Variants in DNAAF2 observed in about 807,000 individuals in gnomAD.
DNAAF2 encodes the protein dynein axonemal assembly factor 2, also known as protein kintoun.
Under a neutral mutation model 48.8 loss-of-function variants are expected in DNAAF2, and 58 were observed. The ratio of observed to expected loss-of-function variants is 1.19; its 90% CI spans 0.96 to 1.48. The LOEUF is 1.48. DNAAF2 is among the 40% of genes most tolerant of loss of function. DNAAF2 has a pLI of 0.00. For synonymous variants in DNAAF2, 567 were observed against 481.2 expected (o/e 1.18, Z -2.33); for missense variants, 1,241 against 1,116.1 (o/e 1.11, Z -1.59).
At position 49,625,729 on chromosome 14, in the gene DNAAF2, G is replaced by A. The variant is rs748119712; in HGVS notation, c.2327C>T (p.Thr776Ile). Residue 776 changes from threonine to isoleucine, a missense_variant, in exon 3 of 3, where the codon ACT becomes ATT. By Grantham distance (89) the Thr-to-Ile change is moderately conservative. Transcript: ENST00000298292. Reference sequence around the variant, plus strand: ...ATCTCCATCTGTTTCTTTCTCTTCAGTTATTACTGACTCGTTTAAGTTATC... The same window carrying A: ...ATCTCCATCTGTTTCTTTCTCTTCAATTATTACTGACTCGTTTAAGTTATC... ...EKDNLNESVI[T>I]EEKETDGDHL... The A allele has an allele frequency of 8.1e-6, 13 of 1,613,470 alleles. No homozygotes were observed. The South Asian group carries it at 1.4e-4, about 18-fold the overall frequency.
chr14:49,632,798 A>G (rs577410062), intron 1 of DNAAF2, among the ~76,000 whole-genome samples: 6 of 152,236 alleles, frequency 3.9e-5, no homozygotes, highest in Middle Eastern at 3.4e-3. Context: ...GTTGTTTCTC[A>G]ACACTTAACT....
intron 1 of DNAAF2, among the ~76,000 whole-genome samples, chr14:49,628,580 G>C (rs572726040): frequency 1.1e-4 from 16 of 151,978 alleles, no homozygotes; most frequent in Non-Finnish European, 1.8e-4. Context: ...CCAGACTACC[G>C]AGTAGCTGGG....
chr14:49,632,503 T>C (rs1883188490), intron 1 of DNAAF2, among the ~76,000 whole-genome samples: 6 of 151,916 alleles, frequency 3.9e-5, no homozygotes, highest in Admixed American at 3.9e-4. Flanking sequence ...TGGAGTGCAG[T>C]AGCATGATAT....
At chr14:49,630,667 C>T (rs1031463529) in intron 1 of DNAAF2, among the ~76,000 whole-genome samples, 16 of 69,910 alleles carry the variant, frequency 2.3e-4, no homozygotes, top group African/African-American at 5.9e-4. Context: ...TAAACTCTCT[C>T]TCCACACACA....
rs1883227930 is a variant in DNAAF2, at chr14:49,633,629, G to A, written c.1521C>T (p.Ala507=). Residue 507 remains alanine (A), a synonymous_variant, in exon 1 of 3, where the codon GCC becomes GCT. Coordinates refer to ENST00000298292, the MANE Select transcript of DNAAF2 (RefSeq NM_018139.3). The part of the protein sequence containing the change: ...ESEGTGGQRS[A]CAMGGPGTKS... Reference sequence around the variant, plus strand: ...TGGTCCCGGGACCACCCATGGCGCAGGCTGAGCGCTGGCCGCCCGTGCCCT... The same window carrying A: ...TGGTCCCGGGACCACCCATGGCGCAAGCTGAGCGCTGGCCGCCCGTGCCCT... 2 of 1,613,314 alleles carry A rather than the reference G, an allele frequency of 1.2e-6. No homozygotes were observed. Among genetic ancestry groups the A allele is most frequent in the Non-Finnish European group, 8.5e-7 (1 of 1,179,552 alleles).
In DNAAF2 at chr14:49,633,607, T is replaced by C; in HGVS notation, c.1543A>G (p.Thr515Ala). ...RSACAMGGPG[T>A]KSGEPLCPPL... ...GGACACAAAGGCTCCCCGCTCTTGG[T>C]CCCGGGACCACCCATGGCGCAGGCT... is the stretch of plus-strand genomic sequence containing the variant. The change falls in exon 1 of 3, where the codon ACC becomes GCC. Residue 515 changes from threonine to alanine, a missense_variant. Thr to Ala is a moderately conservative substitution (Grantham distance 58). Coordinates refer to ENST00000298292, the MANE Select transcript of DNAAF2 (RefSeq NM_018139.3). The C allele has an allele frequency of 6.2e-7, 1 of 1,613,790 alleles. No homozygotes were observed. The highest frequency in any genetic ancestry group is 8.5e-7 in the Non-Finnish European group (1 of 1,179,870).
intron 1 of DNAAF2, among the ~76,000 whole-genome samples, chr14:49,630,740 T>TACACGCACACACAC (rs1883137668): frequency 7.3e-6 from 1 of 136,846 alleles, no homozygotes; most frequent in Non-Finnish European, 1.5e-5. Flanking sequence ...ACAAACTCTC[T>TACACGCACACACAC]ACACACACAC....
chr14:49,628,966 TTTGA>T (rs995197251), intron 1 of DNAAF2, among the ~76,000 whole-genome samples: 2 of 151,912 alleles, frequency 1.3e-5, no homozygotes, highest in Non-Finnish European at 2.9e-5. Flanking sequence ...TGTTTTTTTG[TTTGA>T]TTTTGTTTTT....
intron 2 of DNAAF2, among the ~76,000 whole-genome samples, chr14:49,626,692 CAG>C (rs1883016517): frequency 6.6e-6 from 1 of 151,080 alleles, no homozygotes; most frequent in Admixed American, 6.6e-5. Context: ...TTAGTAGACA[CAG>C]GGTTTCACCA....
intron 1 of DNAAF2, among the ~76,000 whole-genome samples, chr14:49,632,533 C>T (rs899140911): frequency 6.6e-6 from 1 of 151,806 alleles, no homozygotes; most frequent in Admixed American, 6.6e-5. Flanking sequence ...GCAACCTCCA[C>T]CTCCTGCGTT....
chr14:49,627,648 G>T (rs1327967118), intron 2 of DNAAF2, among the ~76,000 whole-genome samples: 1 of 152,106 alleles, frequency 6.6e-6, no homozygotes, highest in Non-Finnish European at 1.5e-5. Context: ...GAGGTCAGGA[G>T]ATCGAGACCA....
Position 49,625,768 on chromosome 14 carries a change from G to A in DNAAF2, c.2288C>T (p.Ser763Leu). Reference protein sequence around the residue: ...EFIKEKSATCSNEEKDNLNES... With the variant: ...EFIKEKSATCLNEEKDNLNES... ...GTTTAAGTTATCTTTTTCCTCATTTGAACAAGTAGCACTTTTTTCTTTTAT... is the reference window on the plus strand; with the variant it reads ...GTTTAAGTTATCTTTTTCCTCATTTAAACAAGTAGCACTTTTTTCTTTTAT... The change falls in exon 3 of 3, where the codon TCA becomes TTA. Residue 763 changes from serine to leucine, a missense_variant. Ser to Leu is a moderately radical substitution (Grantham distance 145, BLOSUM62 -2). Coordinates refer to ENST00000298292, the MANE Select transcript of DNAAF2 (RefSeq NM_018139.3). 1 of 1,610,396 alleles carries A rather than the reference G, an allele frequency of 6.2e-7. No homozygotes were observed. The highest frequency in any genetic ancestry group is 8.5e-7 in the Non-Finnish European group (1 of 1,178,920).
At chr14:49,633,240 G>A in intron 1 of DNAAF2, 47 bp downstream of exon 1, 2 of 1,592,004 alleles carry the variant, frequency 1.3e-6, no homozygotes, top group Admixed American at 3.5e-5. Flanking sequence ...AATTTTTAAA[G>A]TGAGATGGGA....
Position 49,633,439 on chromosome 14 carries a change from A to G in DNAAF2, c.1711T>C (p.Phe571Leu). Residue 571 changes from phenylalanine to leucine, a missense_variant, in exon 1 of 3, where the codon TTT (phenylalanine) becomes CTT (leucine). By Grantham distance (22) the Phe-to-Leu change is conservative. Transcript: ENST00000298292. ...FSAQDLVYSF[F>L]LQFAPENKLS... is the part of the protein sequence containing the mutation. ...TTATTCTCTGGAGCAAATTGCAAAA[A>G]GAAGGAATAAACTAAGTCTTGTGCG... The G allele has an allele frequency of 6.2e-7, 1 of 1,614,066 alleles. No homozygotes were observed.
chr14:49,626,230 G>A (rs1454545332), intron 2 of DNAAF2, among the ~76,000 whole-genome samples, 182 bp from the exon 3 acceptor site: 3 of 152,158 alleles, frequency 2.0e-5, no homozygotes, highest in African/African-American at 2.4e-5. Flanking sequence ...GCTCATGCCT[G>A]TAATCCCAGC....
chr14:49,634,698 A>C lies in DNAAF2; in HGVS notation c.452T>G (p.Leu151Arg), dbSNP rs1228203410. Residue 151 changes from leucine to arginine, a missense_variant, in exon 1 of 3, where the codon CTT (leucine) becomes CGT (arginine). By Grantham distance (102) the Leu-to-Arg change is moderately radical. Coordinates refer to ENST00000298292, the MANE Select transcript of DNAAF2 (RefSeq NM_018139.3). The part of the protein sequence containing the change: ...VYDVVFHPDA[L>R]ALARRHEGFR... ...GCCCTCGTGCCGCCGGGCCAGCGCA[A>C]GCGCGTCTGGATGGAAGACCACGTC... 1 of 1,606,166 alleles carries C rather than the reference A, an allele frequency of 6.2e-7. No individual in the cohort carries two copies. Among genetic ancestry groups the C allele is most frequent in the South Asian group, 1.1e-5 (1 of 91,070 alleles).
At position 49,634,399 on chromosome 14, in the gene DNAAF2, TG is replaced by T; in HGVS notation, c.750del (p.Thr251ProfsTer34). ...SPPEAALQPAPTEPRYSVVQR... is the reference protein window; with the variant it reads ...SPPEAALQPAXTEPRYSVVQR... ...TGCACCACGCTGTAGCGAGGCTCGG[TG>T]GGGGCGGGCTGCAAGGCCGCTTCCG... On this transcript the variant is annotated frameshift_variant, in exon 1 of 3. Transcript: ENST00000298292. LOFTEE classifies it high-confidence loss of function. 4.4e-6 allele frequency: 7 copies of T among 1,584,708 alleles called. No individual in the cohort carries two copies. The highest frequency in any genetic ancestry group is 5.1e-6 in the Non-Finnish European group (6 of 1,165,638).
In DNAAF2 at chr14:49,634,253, C is replaced by G. The variant is rs776883413; in HGVS notation, c.897G>C (p.Ala299=). ...LPLLRSAEQA[A]LEVTRKLLCL... is the part of the protein sequence containing the mutation. ...ACAGCAGCTTTCTCGTTACCTCCAG[C>G]GCCGCCTGCTCGGCCGAGCGCAACA... The change falls in exon 1 of 3, where the codon GCG becomes GCC. Residue 299 remains alanine, a synonymous_variant. Transcript: ENST00000298292. The G allele has an allele frequency of 6.2e-7, 1 of 1,612,328 alleles. No homozygotes were observed. The highest frequency in any genetic ancestry group is 8.5e-7 in the Non-Finnish European group (1 of 1,179,790).
At position 49,634,712 on chromosome 14, in the gene DNAAF2, G is replaced by A. The variant is rs1313644004; in HGVS notation, c.438C>T (p.Phe146=). 1 of 1,606,072 alleles carries A rather than the reference G, an allele frequency of 6.2e-7. No homozygotes were observed. Among genetic ancestry groups the A allele is most frequent in the East Asian group, 2.2e-5 (1 of 44,868 alleles). The change falls in exon 1 of 3, where the codon TTC becomes TTT. Residue 146 remains phenylalanine, a synonymous_variant. Coordinates refer to ENST00000298292, the MANE Select transcript of DNAAF2 (RefSeq NM_018139.3). ...GGGCCAGCGCAAGCGCGTCTGGATG[G>A]AAGACCACGTCGTAGACCATGTAGC... ...SSRYMVYDVV[F]HPDALALARR...
Sources: gnomAD v4.1 joint callset for allele counts (sites outside exome capture counted in the v4.1 genomes callset) on GRCh38, gnomAD v4.1.1 for gene constraint, MANE v1.5 for transcripts, NCBI Gene and HGNC (gene_info 2026-07-23, HGNC 2026-07-21) for gene names.